Variants in OPRM1 observed in about 807,000 individuals in gnomAD.
OPRM1 encodes opioid receptor mu 1, also known as mu-type opioid receptor.
Under a neutral mutation model 31.8 loss-of-function variants are expected in OPRM1, and 27 were observed. The ratio of observed to expected loss-of-function variants is 0.85; its 90% confidence interval spans 0.63 to 1.17. The LOEUF (loss-of-function observed/expected upper bound fraction) is 1.17. OPRM1 is among the 50% of genes most tolerant of loss of function. The probability of loss-of-function intolerance (pLI) is 0.00; values close to 1 mark genes in which losing one functional copy is unlikely to be tolerated. For missense variants in OPRM1, 536 were observed against 511.1 expected (o/e 1.05, Z -0.47); for synonymous variants, 196 against 189.9 (o/e 1.03, Z -0.26).
intron 1 of OPRM1, among the ~76,000 whole-genome samples, chr6:154,011,211 A>G (rs931989977): frequency 1.1e-4 from 16 of 152,070 alleles, no homozygotes; most frequent in African/African-American, 3.9e-4. Flanking sequence ...TTAAATGATA[A>G]AGTGTGTGTG....
chr6:154,151,170 T>A (rs1270615714), intron 3 of OPRM1, among the ~76,000 whole-genome samples: 1 of 152,220 alleles, frequency 6.6e-6, no homozygotes, highest in Non-Finnish European at 1.5e-5. Context: ...TTACGATCGG[T>A]ATCCTGGGTC....
In OPRM1 at chr6:154,122,476, T is replaced by C. The variant is rs1160903695; in HGVS notation, c.*3755T>C. ...ATAGTCATAGAACAGGGCATGCAGATTGTATTTAAGACCACTGCAAGTAAG... is the reference window on the plus strand; with the variant it reads ...ATAGTCATAGAACAGGGCATGCAGACTGTATTTAAGACCACTGCAAGTAAG... On this transcript the variant is annotated 3_prime_UTR_variant, in exon 4 of 4. Coordinates refer to ENST00000330432, the MANE Select transcript of OPRM1 (RefSeq NM_000914.5). Among the ~76,000 whole-genome samples the C allele has an allele frequency of 6.6e-6, 1 of 152,168 alleles. No homozygotes were observed. The highest frequency in any genetic ancestry group is 2.4e-5 in the African/African-American group (1 of 41,442).
intron 1 of OPRM1, among the ~76,000 whole-genome samples, chr6:154,044,029 CCTAT>C (rs1780607848): frequency 6.6e-6 from 1 of 151,854 alleles, no homozygotes; most frequent in Admixed American, 6.6e-5. Context: ...GAAAGAATGA[CCTAT>C]CTGATATTTT....
At chr6:154,089,782 T>C (rs752747727) in intron 1 of OPRM1, 44 bp from the exon 2 acceptor site, 2 of 1,334,732 alleles carry the variant, frequency 1.5e-6, no homozygotes, top group Non-Finnish European at 2.1e-6. Flanking sequence ...TATTTTACAC[T>C]AGTGTCTTTT....
chr6:154,092,162 T>C (rs897367511), intron 3 of OPRM1, among the ~76,000 whole-genome samples: 5 of 152,154 alleles, frequency 3.3e-5, no homozygotes, highest in Admixed American at 1.3e-4. Context: ...GAATAGCGAC[T>C]AGCTTTTGGA....
chr6:154,031,810 C>A (rs976572730), intron 1 of OPRM1, among the ~76,000 whole-genome samples: 2 of 151,804 alleles, frequency 1.3e-5, no homozygotes, highest in African/African-American at 4.8e-5. Context: ...AAAAAATGAG[C>A]AAAAACAGAG....
At chr6:154,015,770 T>C (rs1265083785) in intron 1 of OPRM1, among the ~76,000 whole-genome samples, 2 of 151,848 alleles carry the variant, frequency 1.3e-5, no homozygotes, top group African/African-American at 2.4e-5. Flanking sequence ...AAAGATCTTC[T>C]AAAATAAAGA....
At chr6:154,098,335 T>A (rs1336408793) in intron 3 of OPRM1, among the ~76,000 whole-genome samples, 2 of 152,186 alleles carry the variant, frequency 1.3e-5, no homozygotes, top group Non-Finnish European at 2.9e-5. Flanking sequence ...AACATATTTT[T>A]CCTTTCAAAA....
chr6:154,039,844 G>GC lies in OPRM1; in HGVS notation c.290+11dup. The GC allele has an allele frequency of 6.4e-7, 1 of 1,566,568 alleles. No homozygotes were observed. Among genetic ancestry groups the GC allele is most frequent in the Non-Finnish European group, 8.6e-7 (1 of 1,159,324 alleles). ...TGTATGTGATTGTCAGGTAAGGAAA[G>GC]CGCCAGGGCTCCGAGCGGAGGGTTC... On this transcript the variant is annotated intron_variant, in intron 1 of 3. Coordinates refer to ENST00000330432, the MANE Select transcript of OPRM1 (RefSeq NM_000914.5).
At chr6:154,148,045 C>T (rs1425985187) in intron 3 of OPRM1, among the ~76,000 whole-genome samples, 3 of 152,202 alleles carry the variant, frequency 2.0e-5, no homozygotes, top group Admixed American at 6.5e-5. Flanking sequence ...CCTGCACCTT[C>T]AAGAGACTTT....
At chr6:154,114,888 A>AC (rs1455331315) in intron 3 of OPRM1, among the ~76,000 whole-genome samples, 35 of 151,632 alleles carry the variant, frequency 2.3e-4, no homozygotes, top group African/African-American at 4.8e-4. Flanking sequence ...AAAAAAAAAA[A>AC]ACAAAAAACT....
intron 3 of OPRM1, among the ~76,000 whole-genome samples, chr6:154,095,320 C>A (rs187726153): frequency 4.1e-4 from 63 of 152,232 alleles, no homozygotes; most frequent in African/African-American, 1.5e-3. Flanking sequence ...AAAGAAAGTA[C>A]TTCCAAAACA....
chr6:154,161,513 T>C (rs1435478566), intron 3 of OPRM1, among the ~76,000 whole-genome samples: 4 of 152,080 alleles, frequency 2.6e-5, no homozygotes, highest in African/African-American at 9.7e-5. Context: ...GCACCTGGCC[T>C]ACCCAATTTT....
intron 3 of OPRM1, among the ~76,000 whole-genome samples, chr6:154,227,727 T>C (rs994572704): frequency 6.6e-6 from 1 of 152,102 alleles, no homozygotes; most frequent in East Asian, 1.9e-4. Context: ...AAAAAAAAAT[T>C]AATTAATTAA....
At chr6:154,018,410 ACT>A (rs1288737916) in intron 1 of OPRM1, among the ~76,000 whole-genome samples, 4 of 151,298 alleles carry the variant, frequency 2.6e-5, no homozygotes, top group Non-Finnish European at 5.9e-5. Context: ...ACAGAGTGAG[ACT>A]CTGTCTCAAA....
At chr6:154,038,251 G>A (rs550748439), upstream of OPRM1, among the ~76,000 whole-genome samples, 1 of 152,118 alleles carries the variant, frequency 6.6e-6, no homozygotes, top group East Asian at 1.9e-4. Flanking sequence ...AATGTTTATG[G>A]TTAAAAGATA....
rs533499623 is a variant in OPRM1 at position 154,203,795 on chromosome 6, T to C, written c.1165-42898T>C. On this transcript the variant is annotated intron_variant, in intron 3 of 3. Coordinates refer to the OPRM1 transcript ENST00000337049. Reference sequence around the variant, plus strand: ...TGTTTGACACATAATTGGTGACAAATTAATGACAAAGAATTGGCCAGAACC... The same window carrying C: ...TGTTTGACACATAATTGGTGACAAACTAATGACAAAGAATTGGCCAGAACC... 4.6e-5 allele frequency among the ~76,000 whole-genome samples: 7 copies of C among 152,254 alleles called. No homozygotes were observed. The South Asian group carries it at 1.5e-3, about 32-fold the overall frequency.
At chr6:154,135,385 G>A (rs1196024809), downstream of OPRM1, among the ~76,000 whole-genome samples, 2 of 152,000 alleles carry the variant, frequency 1.3e-5, no homozygotes, top group East Asian at 3.9e-4. Flanking sequence ...AGGGAGAATC[G>A]CTTGAATCTG....
At chr6:154,227,268 G>T (rs1310589863) in intron 3 of OPRM1, among the ~76,000 whole-genome samples, 1 of 151,286 alleles carries the variant, frequency 6.6e-6, no homozygotes, top group Non-Finnish European at 1.5e-5. Context: ...TAGTTCCATG[G>T]AGCTGAATTA....
Sources: gnomAD v4.1 joint callset for allele counts (sites outside exome capture counted in the v4.1 genomes callset) on GRCh38, gnomAD v4.1.1 for gene constraint, MANE v1.5 for transcripts, NCBI Gene and HGNC (gene_info 2026-07-23, HGNC 2026-07-21) for gene names.